Variants in RSRC1 observed in about 807,000 individuals in gnomAD.
The protein encoded by RSRC1 is arginine and serine rich coiled-coil 1.
In RSRC1, 39 loss-of-function variants were observed where a neutral mutation model predicts 49.1. The ratio of observed to expected loss-of-function variants is 0.79; its 90% CI spans 0.61 to 1.04. RSRC1 has a LOEUF of 1.04. RSRC1 is among the 50% of genes least tolerant of loss of function. The pLI, the probability that RSRC1 is intolerant of heterozygous loss-of-function variation, is 0.00. For synonymous variants in RSRC1, 143 were observed against 130.8 expected (o/e 1.09, Z -0.63); for missense variants, 388 against 402.4 (o/e 0.96, Z 0.31).
At chr3:158,511,655 G>A (rs1740185352) in intron 7 of RSRC1, among the ~76,000 whole-genome samples, 1 of 152,226 alleles carries the variant, frequency 6.6e-6, no homozygotes. Flanking sequence ...GGATGGCTGG[G>A]TCAAATGGTA....
chr3:158,525,140 A>G (rs1711927575), intron 7 of RSRC1, among the ~76,000 whole-genome samples: 1 of 152,100 alleles, frequency 6.6e-6, no homozygotes, highest in Non-Finnish European at 1.5e-5. Context: ...GGCAAGTCAT[A>G]GAATGGAAGC....
chr3:158,312,734 A>G (rs1441887857), intron 5 of RSRC1, among the ~76,000 whole-genome samples: 4 of 152,218 alleles, frequency 2.6e-5, no homozygotes, highest in Middle Eastern at 3.4e-3. Context: ...TCCCACATAC[A>G]CTGAAATACC....
intron 7 of RSRC1, among the ~76,000 whole-genome samples, chr3:158,512,332 T>A (rs1383425285): frequency 7.0e-6 from 1 of 143,296 alleles, no homozygotes; most frequent in Non-Finnish European, 1.5e-5. Context: ...TTTCTACATA[T>A]GGCTAGCCAG....
At chr3:158,286,434 G>C (rs964345254) in intron 4 of RSRC1, among the ~76,000 whole-genome samples, 5 of 152,168 alleles carry the variant, frequency 3.3e-5, no homozygotes, top group African/African-American at 1.2e-4. Flanking sequence ...TAAAGCACTT[G>C]TTACCGTGCC....
intron 6 of RSRC1, among the ~76,000 whole-genome samples, chr3:158,360,392 G>A (rs753547936): frequency 6.6e-6 from 1 of 152,170 alleles, no homozygotes; most frequent in Non-Finnish European, 1.5e-5. Context: ...CATAGGACTG[G>A]CAGCCCAGCT....
At chr3:158,250,041 C>T (rs889427307) in intron 4 of RSRC1, among the ~76,000 whole-genome samples, 3 of 152,046 alleles carry the variant, frequency 2.0e-5, no homozygotes, top group Admixed American at 6.6e-5. Context: ...TTTTTGTCTC[C>T]CACAAATAAG....
At chr3:158,364,402 A>G (rs1045961822) in intron 6 of RSRC1, among the ~76,000 whole-genome samples, 1 of 152,156 alleles carries the variant, frequency 6.6e-6, no homozygotes, top group African/African-American at 2.4e-5. Context: ...TTTATTTCAT[A>G]TAAATAGTTT....
At chr3:158,453,404 G>A (rs192580093) in intron 6 of RSRC1, among the ~76,000 whole-genome samples, 169 of 148,658 alleles carry the variant, frequency 1.1e-3, no homozygotes, top group Non-Finnish European at 1.9e-3. Context: ...TTTTCGAGTC[G>A]GAGTATTGCT....
intron 4 of RSRC1, among the ~76,000 whole-genome samples, chr3:158,210,878 C>T (rs1239396588): frequency 1.3e-5 from 2 of 152,030 alleles, no homozygotes; most frequent in African/African-American, 4.8e-5. Context: ...ACACAGTGTG[C>T]CCAATGGGAT....
chr3:158,331,040 A>G, intron 5 of RSRC1, among the ~76,000 whole-genome samples: 1 of 152,080 alleles, frequency 6.6e-6, no homozygotes, highest in East Asian at 1.9e-4. Context: ...CCTTTGTAAA[A>G]CCAATTAGAT....
intron 4 of RSRC1, among the ~76,000 whole-genome samples, chr3:158,286,974 G>C (rs576517171): frequency 6.6e-6 from 1 of 152,014 alleles, no homozygotes; most frequent in Non-Finnish European, 1.5e-5. Flanking sequence ...CTACAGCTGC[G>C]TGCCACCACA....
intron 3 of RSRC1, among the ~76,000 whole-genome samples, chr3:158,176,985 A>G (rs1170775413): frequency 1.3e-5 from 2 of 152,230 alleles, no homozygotes; most frequent in African/African-American, 2.4e-5. Flanking sequence ...GGCAAATGAT[A>G]TGAACAGACA....
chr3:158,286,366 G>A (rs1185201700), intron 4 of RSRC1, among the ~76,000 whole-genome samples: 1 of 152,070 alleles, frequency 6.6e-6, no homozygotes, highest in East Asian at 1.9e-4. Flanking sequence ...CTATAAAATA[G>A]GTATAATAAT....
chr3:158,115,235 T>C (rs2108151743), intron 1 of RSRC1, among the ~76,000 whole-genome samples: 3 of 152,362 alleles, frequency 2.0e-5, no homozygotes, highest in Admixed American at 2.0e-4. Context: ...CCTTCTATTA[T>C]GGATAAATTA....
chr3:158,401,861 A>G (rs1352581941), intron 6 of RSRC1, among the ~76,000 whole-genome samples: 1 of 152,016 alleles, frequency 6.6e-6, no homozygotes, highest in Non-Finnish European at 1.5e-5. Context: ...ATTTAAATTT[A>G]TGAACTTAAT....
intron 6 of RSRC1, among the ~76,000 whole-genome samples, chr3:158,389,522 T>G (rs1451807862): frequency 6.6e-6 from 1 of 152,204 alleles, no homozygotes; most frequent in Non-Finnish European, 1.5e-5. Context: ...AATACAGTTG[T>G]GTTGTATCAT....
At chr3:158,288,527 A>G (rs1456437940) in intron 4 of RSRC1, among the ~76,000 whole-genome samples, 1 of 152,180 alleles carries the variant, frequency 6.6e-6, no homozygotes, top group African/African-American at 2.4e-5. Context: ...GAAGTACCAG[A>G]TAGGTAGCAT....
At chr3:158,522,167 A>G (rs1711714378) in intron 7 of RSRC1, among the ~76,000 whole-genome samples, 1 of 152,116 alleles carries the variant, frequency 6.6e-6, no homozygotes, top group South Asian at 2.1e-4. Flanking sequence ...CATAGGTCTT[A>G]TTATCATATA....
chr3:158,196,215 C>T (rs921437139), intron 3 of RSRC1, among the ~76,000 whole-genome samples: 6 of 151,860 alleles, frequency 4.0e-5, no homozygotes, highest in African/African-American at 1.5e-4. Flanking sequence ...AGGTCCTTCA[C>T]ATCCCTTGTA....
Sources: gnomAD v4.1 joint callset for allele counts (sites outside exome capture counted in the v4.1 genomes callset) on GRCh38, gnomAD v4.1.1 for gene constraint, MANE v1.5 for transcripts, NCBI Gene and HGNC (gene_info 2026-07-23, HGNC 2026-07-21) for gene names.